The following RHOBTB3 variants were observed in gnomAD, a reference collection of about 807,000 sequenced individuals.
The protein encoded by RHOBTB3 is Rho related BTB domain containing 3, also known as rho-related BTB domain-containing protein 3.
Under a neutral mutation model 67.2 loss-of-function variants are expected in RHOBTB3, and 47 were observed. The ratio of observed to expected loss-of-function variants is 0.70; its 90% CI spans 0.55 to 0.89. The LOEUF (loss-of-function observed/expected upper bound fraction) is 0.89. Among genes scored for constraint, RHOBTB3 ranks in the 40% least tolerant of loss-of-function variants. The probability of loss-of-function intolerance (pLI) is 0.00; values close to 1 mark genes in which losing one functional copy is unlikely to be tolerated. For synonymous variants in RHOBTB3, 273 were observed against 274.2 expected, an observed-to-expected ratio of 1.00 and a Z score of 0.04; for missense variants, 631 against 750.0, an observed-to-expected ratio of 0.84 and a Z score of 1.85.
chr5:95,752,380 C>A, intron 5 of RHOBTB3, 30 bp downstream of exon 5: 1 of 1,330,014 alleles, frequency 7.5e-7, no homozygotes, highest in Non-Finnish European at 1.1e-6. Flanking sequence ...TCTAGACATT[C>A]ATTAAACATT....
intron 8 of RHOBTB3, chr5:95,769,989 C>T: frequency 2.4e-6 from 1 of 412,964 alleles, no homozygotes; most frequent in Non-Finnish European, 4.8e-6. Flanking sequence ...ATGGCTCTTG[C>T]TGTTGGTGGT....
chr5:95,720,596 G>C (rs1236812955), intron 1 of RHOBTB3, among the ~76,000 whole-genome samples: 1 of 151,882 alleles, frequency 6.6e-6, no homozygotes, highest in African/African-American at 2.4e-5. Context: ...TACAATGCTT[G>C]TGCTGAAACA....
chr5:95,786,237 G>C (rs1746220037), intron 10 of RHOBTB3, among the ~76,000 whole-genome samples: 1 of 152,176 alleles, frequency 6.6e-6, no homozygotes, highest in Non-Finnish European at 1.5e-5. Context: ...CTGTTGGTCA[G>C]AATTTGGTTA....
At chr5:95,789,869 G>C (rs1183790995) in intron 11 of RHOBTB3, among the ~76,000 whole-genome samples, 1 of 152,164 alleles carries the variant, frequency 6.6e-6, no homozygotes, top group Non-Finnish European at 1.5e-5. Flanking sequence ...AAATCATATG[G>C]TCAAGATGGT....
intron 7 of RHOBTB3, among the ~76,000 whole-genome samples, chr5:95,765,970 C>A (rs1457081608): frequency 6.6e-6 from 1 of 152,076 alleles, no homozygotes; most frequent in East Asian, 1.9e-4. Context: ...CCCGGTGATG[C>A]TTTTTGACTG....
At chr5:95,739,472 A>G (rs1433420329) in intron 3 of RHOBTB3, among the ~76,000 whole-genome samples, 1 of 152,234 alleles carries the variant, frequency 6.6e-6, no homozygotes, top group East Asian at 1.9e-4. Context: ...TATATGTACA[A>G]AAGTAAATAT....
At chr5:95,730,990 T>C (rs932231215), upstream of RHOBTB3, 2 of 605,568 alleles carry the variant, frequency 3.3e-6, no homozygotes, top group East Asian at 1.4e-4. Flanking sequence ...ACCTCCTTTT[T>C]CCAGTCCGGA....
intron 2 of RHOBTB3, among the ~76,000 whole-genome samples, chr5:95,735,201 C>G (rs1246904343): frequency 6.6e-6 from 1 of 151,574 alleles, no homozygotes; most frequent in East Asian, 1.9e-4. Context: ...CTTCTGCCCC[C>G]TTGCACCCTC....
At chr5:95,759,586 A>T (rs190857066) in intron 6 of RHOBTB3, among the ~76,000 whole-genome samples, 9 of 152,386 alleles carry the variant, frequency 5.9e-5, no homozygotes, top group Non-Finnish European at 1.5e-5. Context: ...TGAATAAGTG[A>T]CACTGTTTTT....
At chr5:95,756,785 G>A (rs1365320637) in intron 6 of RHOBTB3, among the ~76,000 whole-genome samples, 3 of 152,000 alleles carry the variant, frequency 2.0e-5, no homozygotes, top group African/African-American at 7.3e-5. Flanking sequence ...ATATGTTTTT[G>A]TATTTGCCTT....
chr5:95,775,388 GTGTGTATATATATA>G (rs1262107478), intron 8 of RHOBTB3, among the ~76,000 whole-genome samples: 7 of 147,944 alleles, frequency 4.7e-5, no homozygotes, highest in African/African-American at 7.4e-5. Context: ...TTAAGAATGT[GTGTGTATATATATA>G]TGTGTATATA....
rs200636777 is a variant in RHOBTB3, at chr5:95,723,542, TTTTG to T, written n.133+5793_133+5796del. ...GAAGTACGTGCAAACTCTTGTTGTT[TTTTG>T]TTTGTTTGTTTGTTTTTTTAAAAAG... On this transcript the variant is annotated intron_variant and non_coding_transcript_variant, in intron 1 of 5. Transcript: ENST00000504949. Among the ~76,000 whole-genome samples, 1,084 of 152,362 alleles carry T rather than the reference TTTTG, an allele frequency of 7.1e-3. 6 individuals are homozygous for T. Among genetic ancestry groups the T allele is most frequent in the Non-Finnish European group, 0.011 (719 of 68,042 alleles).
Position 95,755,557 on chromosome 5 carries a change from A to G in RHOBTB3, c.844A>G (p.Met282Val), listed in dbSNP as rs1171615653. 4.3e-6 allele frequency: 7 copies of G among 1,614,146 alleles called. No homozygotes were observed. Among genetic ancestry groups the G allele is most frequent in the South Asian group, 1.1e-5 (1 of 91,072 alleles). The change falls in exon 6 of 12, where the codon ATG becomes GTG. Residue 282 changes from methionine to valine, a missense_variant. Coordinates refer to ENST00000379982, the MANE Select transcript of RHOBTB3 (RefSeq NM_014899.4). ...TCTCTGCGCTGTAAGCCATGTTTTCATGCTGCTTTTCAATGTGAAGAGTCC... is the reference window on the plus strand; with the variant it reads ...TCTCTGCGCTGTAAGCCATGTTTTCGTGCTGCTTTTCAATGTGAAGAGTCC... ...IVLCAVSHVF[M>V]LLFNVKSPTD... is the part of the protein sequence containing the mutation.
intron 2 of RHOBTB3, among the ~76,000 whole-genome samples, chr5:95,736,501 A>G (rs1175983973): frequency 6.6e-6 from 1 of 152,238 alleles, no homozygotes; most frequent in Non-Finnish European, 1.5e-5. Flanking sequence ...GGTCAGAGGA[A>G]AACCTTTGAA....
chr5:95,784,907 G>A (rs1746175762), intron 10 of RHOBTB3, among the ~76,000 whole-genome samples: 1 of 152,164 alleles, frequency 6.6e-6, no homozygotes, highest in South Asian at 2.1e-4. Context: ...TACTCAACTT[G>A]TGGTAAGCCG....
intron 8 of RHOBTB3, among the ~76,000 whole-genome samples, chr5:95,771,960 A>T (rs899727244): frequency 6.8e-4 from 26 of 38,286 alleles, no homozygotes; most frequent in African/African-American, 1.4e-3. Flanking sequence ...ATTAGCTTTT[A>T]AAAAAAAAGT....
At chr5:95,779,665 G>A (rs77726748) in intron 8 of RHOBTB3, among the ~76,000 whole-genome samples, 1,904 of 152,314 alleles carry the variant, frequency 0.013, 37 homozygotes, top group African/African-American at 0.044. Context: ...AGGAAGTAGT[G>A]TGCTGGGGAG....
Position 95,795,419 on chromosome 5 carries a change from G to C in RHOBTB3, c.*2245G>C, listed in dbSNP as rs1036934314. On this transcript the variant is annotated 3_prime_UTR_variant, in exon 12 of 12. Coordinates refer to ENST00000379982, the MANE Select transcript of RHOBTB3 (RefSeq NM_014899.4). ...CCCTATATGAATTACAGCATTTAAAGTTCAAAATCAGTAACTTTTAATCTA... is the reference window on the plus strand; with the variant it reads ...CCCTATATGAATTACAGCATTTAAACTTCAAAATCAGTAACTTTTAATCTA... 6.6e-6 allele frequency: 1 copy of C among 152,100 alleles called. No homozygotes were observed. The highest frequency in any genetic ancestry group is 6.6e-5 in the Admixed American group (1 of 15,262). 9.4% of individuals were successfully genotyped at this position (152,100 alleles called of 1,614,324 possible). A position where few individuals can be genotyped will look rare whatever the true frequency, so the allele number is the denominator to read the frequency against.
intron 3 of RHOBTB3, among the ~76,000 whole-genome samples, chr5:95,740,850 T>G (rs1387564238): frequency 6.6e-6 from 1 of 151,972 alleles, no homozygotes. Flanking sequence ...CTAGATTTTA[T>G]AAACACACAC....
Sources: allele counts gnomAD v4.1 joint callset (sites outside exome capture counted in the v4.1 genomes callset), GRCh38; gene constraint gnomAD v4.1.1; transcripts MANE v1.5; gene names NCBI Gene and HGNC (gene_info 2026-07-23, HGNC 2026-07-21).